Variants in NXPH1 observed in about 807,000 individuals in gnomAD.
NXPH1 encodes neurexophilin-1.
In NXPH1, 5 loss-of-function variants were observed where a neutral mutation model predicts 23.7. That is an observed-to-expected ratio of 0.21 (90% CI 0.11 to 0.44). The LOEUF is 0.44. Ranked by LOEUF, NXPH1 falls within the 20% of genes least tolerant of loss-of-function variation. The probability of loss-of-function intolerance (pLI) is 0.99; values close to 1 mark genes in which losing one functional copy is unlikely to be tolerated. For synonymous variants in NXPH1, 144 were observed against 122.2 expected, an observed-to-expected ratio of 1.18 and a Z score of -1.18; for missense variants, 324 against 321.6, an observed-to-expected ratio of 1.01 and a Z score of -0.06.
intron 2 of NXPH1, among the ~76,000 whole-genome samples, chr7:8,465,410 C>T (rs1337308455): frequency 2.6e-5 from 4 of 152,142 alleles, no homozygotes; most frequent in African/African-American, 9.7e-5. Flanking sequence ...TATAAGGCCT[C>T]TCACCCCTGA....
chr7:8,436,432 G>A (rs547787704), intron 2 of NXPH1, among the ~76,000 whole-genome samples: 7 of 152,280 alleles, frequency 4.6e-5, no homozygotes, highest in Admixed American at 3.9e-4. Flanking sequence ...GGAATGGTAG[G>A]CCTTGTCGCC....
intron 2 of NXPH1, among the ~76,000 whole-genome samples, chr7:8,643,850 A>C (rs1483729421): frequency 2.6e-5 from 4 of 152,160 alleles, no homozygotes; most frequent in African/African-American, 9.7e-5. Flanking sequence ...TTAGTGTATA[A>C]AATTTAAAAC....
At chr7:8,688,876 C>T (rs1821186314) in intron 2 of NXPH1, among the ~76,000 whole-genome samples, 2 of 152,186 alleles carry the variant, frequency 1.3e-5, no homozygotes, top group Non-Finnish European at 2.9e-5. Context: ...CTTTCAGGCA[C>T]ATCCTTCTAA....
At position 8,598,590 on chromosome 7, in the gene NXPH1, T is replaced by C. The variant is rs10225371; in HGVS notation, c.55-152418T>C. The stretch of plus-strand genomic sequence containing the variant: ...TTCTTTTTCCATTTTAATGTTGGAA[T>C]GGGAAGCAAGGGGGTAGGGGAAAAG... On this transcript the variant is annotated intron_variant, in intron 2 of 2. Coordinates refer to ENST00000405863, the MANE Select transcript of NXPH1 (RefSeq NM_152745.3). 4.5e-3 allele frequency among the ~76,000 whole-genome samples: 692 copies of C among 152,240 alleles called. 4 individuals carry two copies. Among genetic ancestry groups the C allele is most frequent in the African/African-American group, 0.016 (664 of 41,548 alleles).
chr7:8,546,030 C>G (rs1423049534), intron 2 of NXPH1, among the ~76,000 whole-genome samples: 1 of 151,490 alleles, frequency 6.6e-6, no homozygotes, highest in Non-Finnish European at 1.5e-5. Flanking sequence ...GGTCAGAACT[C>G]TTTTGATGCC....
rs1423032254 is a variant in NXPH1, at chr7:8,693,996, G to T, written c.55-57012G>T. Among the ~76,000 whole-genome samples the T allele has an allele frequency of 2.0e-5, 3 of 152,226 alleles. No individual in the cohort carries two copies. The East Asian group carries it at 5.8e-4, about 29-fold the overall frequency. On this transcript the variant is annotated intron_variant, in intron 2 of 2. Transcript: ENST00000405863. ...TAAAATATATATCTTTTAATTTTAT[G>T]AAGAAAGAGTCATGTCAGGATGACA... is the stretch of plus-strand genomic sequence containing the variant.
intron 2 of NXPH1, among the ~76,000 whole-genome samples, chr7:8,737,201 A>C (rs1053064583): frequency 6.6e-6 from 1 of 152,098 alleles, no homozygotes; most frequent in African/African-American, 2.4e-5. Context: ...TTTGCCTGTT[A>C]CTTGATGCAG....
At chr7:8,447,247 A>C (rs1003517496) in intron 2 of NXPH1, among the ~76,000 whole-genome samples, 1 of 152,192 alleles carries the variant, frequency 6.6e-6, no homozygotes, top group Admixed American at 6.5e-5. Context: ...AACTTTACTC[A>C]CATATTTTTT....
chr7:8,696,472 G>T (rs950850398), intron 2 of NXPH1, among the ~76,000 whole-genome samples: 2 of 152,182 alleles, frequency 1.3e-5, no homozygotes, highest in Non-Finnish European at 2.9e-5. Context: ...GCAAGATATT[G>T]TGATTGGAAT....
At position 8,435,706 on chromosome 7, in the gene NXPH1, G is replaced by T. The variant is rs776001462; in HGVS notation, c.-8G>T. On this transcript the variant is annotated 5_prime_UTR_variant, in exon 2 of 3. Transcript: ENST00000405863. The surrounding 1 kb of genome is among the most constrained non-coding windows in gnomAD (Gnocchi z 5.9). ...AGGCACCGCCAAGGAAGTTTGAGAC[G>T]CGGGAGAATGCAGGCTGCGTGCTGG... The T allele has an allele frequency of 2.4e-5, 39 of 1,613,788 alleles. No homozygotes were observed. The highest frequency in any genetic ancestry group is 6.7e-5 in the Admixed American group (4 of 60,006).
chr7:8,715,700 A>T (rs1034714808), intron 2 of NXPH1, among the ~76,000 whole-genome samples: 11 of 152,200 alleles, frequency 7.2e-5, no homozygotes, highest in Admixed American at 7.2e-4. Context: ...CACACGGGTT[A>T]GATAAGAGTC....
chr7:8,537,799 G>A (rs184454124), intron 2 of NXPH1, among the ~76,000 whole-genome samples: 8 of 151,972 alleles, frequency 5.3e-5, no homozygotes, highest in Admixed American at 3.3e-4. Context: ...CTTTCAGCTT[G>A]AAAATTCTGT....
At chr7:8,638,326 C>T (rs1820251820) in intron 2 of NXPH1, among the ~76,000 whole-genome samples, 1 of 152,138 alleles carries the variant, frequency 6.6e-6, no homozygotes, top group Admixed American at 6.6e-5. Context: ...GCAGAGGGAC[C>T]ACCAGCCCGT....
chr7:8,533,978 C>G (rs955412495), intron 2 of NXPH1, among the ~76,000 whole-genome samples: 2 of 152,092 alleles, frequency 1.3e-5, no homozygotes, highest in Admixed American at 6.6e-5. Context: ...AATAAACAAA[C>G]AAGCAAGATA....
intron 2 of NXPH1, among the ~76,000 whole-genome samples, chr7:8,675,666 A>G (rs1820940386): frequency 6.6e-6 from 1 of 152,138 alleles, no homozygotes; most frequent in South Asian, 2.1e-4. Flanking sequence ...CCTCGGACAG[A>G]TAGAGTGATG....
At chr7:8,634,057 A>T (rs1820176198) in intron 2 of NXPH1, among the ~76,000 whole-genome samples, 1 of 152,132 alleles carries the variant, frequency 6.6e-6, no homozygotes, top group Non-Finnish European at 1.5e-5. Context: ...TGTGAGGCTG[A>T]AATCGAATCT....
At chr7:8,441,869 C>A (rs1176372817) in intron 2 of NXPH1, among the ~76,000 whole-genome samples, 1 of 148,892 alleles carries the variant, frequency 6.7e-6, no homozygotes, top group East Asian at 2.0e-4. Context: ...TAATTACCTC[C>A]TCTGCAAAGA....
chr7:8,558,440 A>C (rs907434683), intron 2 of NXPH1, among the ~76,000 whole-genome samples: 1 of 151,636 alleles, frequency 6.6e-6, no homozygotes, highest in African/African-American at 2.4e-5. Flanking sequence ...TTAACAGTAA[A>C]ATCGGCTTTT....
chr7:8,640,813 C>A (rs10238024), intron 2 of NXPH1, among the ~76,000 whole-genome samples: 2 of 151,816 alleles, frequency 1.3e-5, no homozygotes, highest in South Asian at 4.2e-4. Context: ...AAATATTAGC[C>A]AGGGTGGTGG....
Sources: allele counts gnomAD v4.1 joint callset (sites outside exome capture counted in the v4.1 genomes callset), GRCh38; gene constraint gnomAD v4.1.1; non-coding constraint Gnocchi (gnomAD v3.1); transcripts MANE v1.5; gene names NCBI Gene and HGNC (gene_info 2026-07-23, HGNC 2026-07-21).